PLPP5: variants seen among roughly 807,000 people sequenced by gnomAD.
PLPP5 encodes the protein diacylglycerol pyrophosphate like 1.
In PLPP5, 29 loss-of-function variants were observed where a neutral mutation model predicts 23.6. That is an observed-to-expected ratio of 1.23 (90% CI 0.92 to 1.68). PLPP5 has a LOEUF of 1.68. Among genes scored for constraint, PLPP5 ranks in the 40% most tolerant of loss-of-function variants. The pLI is 0.00. For synonymous variants in PLPP5, 143 were observed against 131.3 expected (o/e 1.09, Z -0.61); for missense variants, 315 against 332.1 (o/e 0.95, Z 0.40).
chr8:38,265,995 A>T (rs1479103334), intron 6 of PLPP5, 146 bp downstream of exon 6: 2 of 533,486 alleles, frequency 3.7e-6, no homozygotes, highest in Non-Finnish European at 6.1e-6. Flanking sequence ...CTATAATTTT[A>T]AATGTACTTA....
At chr8:38,268,241 C>T (rs1278159191) in intron 3 of PLPP5, 130 bp downstream of exon 3, 16 of 1,077,758 alleles carry the variant, frequency 1.5e-5, no homozygotes, top group Non-Finnish European at 2.1e-5. Flanking sequence ...TTTTCCTCTC[C>T]CGCGGGGATA....
At position 38,263,423 on chromosome 8, in the gene PLPP5, A is replaced by G. The variant is rs1195962635; in HGVS notation, c.*1021T>C. On this transcript the variant is annotated 3_prime_UTR_variant, in exon 7 of 7. Coordinates refer to ENST00000424479, the MANE Select transcript of PLPP5 (RefSeq NM_001102559.2). ...TGAGCAGATCTTCAGTCATGAATGG[A>G]AGGAAAGAAGCTCACAAGTACAGTT... is the stretch of plus-strand genomic sequence containing the variant. 1.0e-6 allele frequency: 1 copy of G among 985,296 alleles called. No homozygotes were observed. Among genetic ancestry groups the G allele is most frequent in the Non-Finnish European group, 1.2e-6 (1 of 829,922 alleles). 61.0% of individuals were successfully genotyped at this position (985,296 alleles called of 1,614,324 possible). A position where few individuals can be genotyped will look rare whatever the true frequency, so the allele number is the denominator to read the frequency against.
Position 38,266,125 on chromosome 8 carries a change from T to C in PLPP5, c.634+16A>G. ...GTGAAATATGCAAGCTTCCATAGCC[T>C]GAGTACTTTGCTTACCTTGCCAGTG... is the stretch of plus-strand genomic sequence containing the variant. On this transcript the variant is annotated intron_variant, in intron 6 of 6. Transcript: ENST00000424479. 2.5e-6 allele frequency: 4 copies of C among 1,612,822 alleles called. No homozygotes were observed. The highest frequency in any genetic ancestry group is 2.2e-5 in the South Asian group (2 of 90,976).
At chr8:38,267,874 G>T in intron 4 of PLPP5, 23 bp downstream of exon 4, 1 of 1,611,716 alleles carries the variant, frequency 6.2e-7, no homozygotes, top group Non-Finnish European at 8.5e-7. Flanking sequence ...CAGATGCTGG[G>T]GTGGTTAGCT....
At chr8:38,265,610 T>C (rs904892500) in intron 6 of PLPP5, 1 of 152,162 alleles carries the variant, frequency 6.6e-6, no homozygotes, top group African/African-American at 2.4e-5. Flanking sequence ...GTATTTTTAG[T>C]AGAGACGGGG....
In PLPP5 at chr8:38,268,481, G is replaced by A; in HGVS notation, c.184-20C>T. ...AATAACCTGAATCAGAATGTCAGAG[G>A]TTAAAAACAATCCAAAAAAAAGCCA... On this transcript the variant is annotated intron_variant, in intron 2 of 6. Transcript: ENST00000424479. The A allele has an allele frequency of 6.4e-7, 1 of 1,554,850 alleles. No individual in the cohort carries two copies.
chr8:38,267,298 G>A lies in PLPP5; in HGVS notation c.432C>T (p.Gly144=), dbSNP rs761833568. The change falls in exon 5 of 7, where the codon GGC becomes GGT. Residue 144 remains glycine, a synonymous_variant. Transcript: ENST00000424479. ...AATGTCCACTGGGGAAGCTCTTTCG[G>A]CCCTCATTCACCACGTCCTTATCCC... ...CTGDKDVVNE[G]RKSFPSGHSS... is the part of the protein sequence containing the mutation. 1 of 1,613,974 alleles carries A rather than the reference G, an allele frequency of 6.2e-7. No homozygotes were observed.
chr8:38,268,660 A>G lies in PLPP5; in HGVS notation c.184-199T>C, dbSNP rs1165214950. On this transcript the variant is annotated intron_variant, in intron 2 of 6. Transcript: ENST00000424479. ...GGGCCCCGGTACCTCAGGCTGAGGCACAGAGCGCCCGGGAAAACGTTGTCT... is the reference window on the plus strand; with the variant it reads ...GGGCCCCGGTACCTCAGGCTGAGGCGCAGAGCGCCCGGGAAAACGTTGTCT... 7.0e-6 allele frequency: 10 copies of G among 1,433,244 alleles called. No homozygotes were observed. The East Asian group carries it at 2.3e-4, about 32-fold the overall frequency. 88.8% of individuals were successfully genotyped at this position (1,433,244 alleles called of 1,614,324 possible). A position where few individuals can be genotyped will look rare whatever the true frequency, so the allele number is the denominator to read the frequency against.
In PLPP5 at chr8:38,269,155, GC is replaced by G. The variant is rs1480742903; in HGVS notation, c.44del (p.Gly15AlafsTer12). The G allele has an allele frequency of 5.9e-6, 9 of 1,513,154 alleles. No homozygotes were observed. Among genetic ancestry groups the G allele is most frequent in the Non-Finnish European group, 7.9e-6 (9 of 1,138,264 alleles). The allele number at this position is 1,513,154 out of a possible 1,614,324, so 93.7% of individuals were successfully genotyped here. ...AAAVAFGAEV[G>X]VRLALFAAFL... ...AGGCCGCGAACAGCGCGAGCCGCAC[GC>G]CCACTTCGGCCCCAAAGGCCACCGC... On this transcript the variant is annotated frameshift_variant, in exon 1 of 7. Transcript: ENST00000424479. LOFTEE classifies it high-confidence loss of function.
rs1464084298 is a variant in PLPP5 at position 38,267,319 on chromosome 8, ATC to A, written c.409_410del (p.Asp137Ter). The A allele has an allele frequency of 1.2e-6, 2 of 1,613,912 alleles. No individual in the cohort carries two copies. Among genetic ancestry groups the A allele is most frequent in the Non-Finnish European group, 1.7e-6 (2 of 1,179,908 alleles). On this transcript the variant is annotated frameshift_variant, in exon 5 of 7. Transcript: ENST00000424479. LOFTEE classifies it high-confidence loss of function. ...LAHSDLMCTG[D>X]KDVVNEGRKS... The stretch of plus-strand genomic sequence containing the variant: ...TTCGGCCCTCATTCACCACGTCCTT[ATC>A]CCCTGTACACATCAAGTCAGAATGG...
At position 38,263,663 on chromosome 8, in the gene PLPP5, T is replaced by G; in HGVS notation, c.*781A>C. 2.0e-6 allele frequency: 2 copies of G among 985,438 alleles called. No individual in the cohort carries two copies. The highest frequency in any genetic ancestry group is 2.4e-6 in the Non-Finnish European group (2 of 829,912). The allele number at this position is 985,438 out of a possible 1,614,324, so 61.0% of individuals were successfully genotyped here. On this transcript the variant is annotated 3_prime_UTR_variant, in exon 7 of 7. Coordinates refer to ENST00000424479, the MANE Select transcript of PLPP5 (RefSeq NM_001102559.2). ...GATTCGACATTTTCCTATTTAAGGC[T>G]TGATGGAATTGTCATCAGAGAAGGT...
Position 38,263,318 on chromosome 8 carries a change from A to G in PLPP5, c.*1126T>C. The G allele has an allele frequency of 1.1e-6, 1 of 920,538 alleles. No homozygotes were observed. Among genetic ancestry groups the G allele is most frequent in the Non-Finnish European group, 1.3e-6 (1 of 770,810 alleles). The allele number at this position is 920,538 out of a possible 1,614,324, so 57.0% of individuals were successfully genotyped here. A position where few individuals can be genotyped will look rare whatever the true frequency, so the allele number is the denominator to read the frequency against. ...TATTCCATTGTGAAGAAGGGGCAGAAAAAGATTCATCTGTCCTTCAGATGA... is the reference window on the plus strand; with the variant it reads ...TATTCCATTGTGAAGAAGGGGCAGAGAAAGATTCATCTGTCCTTCAGATGA... On this transcript the variant is annotated 3_prime_UTR_variant, in exon 7 of 7. Transcript: ENST00000424479.
Position 38,267,365 on chromosome 8 carries a change from C to A in PLPP5, c.365G>T (p.Cys122Phe). The change falls in exon 5 of 7, where the codon TGC becomes TTC. Residue 122 changes from cysteine to phenylalanine, a missense_variant. Physicochemically the swap from Cys to Phe is radical, Grantham distance 205. Coordinates refer to ENST00000424479, the MANE Select transcript of PLPP5 (RefSeq NM_001102559.2). ...GRPRPDFFYR[C>F]FPDGLAHSDL... ...AGAATGGGCTAGCCCATCAGGGAAG[C>A]AGCGGTAGAAGAAATCTGGGCGTGG... is the stretch of plus-strand genomic sequence containing the variant. 1 of 1,613,794 alleles carries A rather than the reference C, an allele frequency of 6.2e-7. No homozygotes were observed. Among genetic ancestry groups the A allele is most frequent in the Non-Finnish European group, 8.5e-7 (1 of 1,179,802 alleles).
chr8:38,269,138 A>C lies in PLPP5; in HGVS notation c.62T>G (p.Phe21Cys). ...GGATCTTTCTTACAGGAAGGCCGCGAACAGCGCGAGCCGCACGCCCACTTC... is the reference window on the plus strand; with the variant it reads ...GGATCTTTCTTACAGGAAGGCCGCGCACAGCGCGAGCCGCACGCCCACTTC... Reference protein sequence around the residue: ...GAEVGVRLALFAAFLVTELLP... With the variant: ...GAEVGVRLALCAAFLVTELLP... Residue 21 changes from phenylalanine to cysteine, a missense_variant, in exon 1 of 7, where the codon TTC becomes TGC. Transcript: ENST00000424479. 1 of 1,519,854 alleles carries C rather than the reference A, an allele frequency of 6.6e-7. No individual in the cohort carries two copies. Among genetic ancestry groups the C allele is most frequent in the South Asian group, 1.2e-5 (1 of 83,054 alleles). 94.1% of individuals were successfully genotyped at this position (1,519,854 alleles called of 1,614,324 possible).
intron 3 of PLPP5, 99 bp from the exon 4 acceptor site, chr8:38,268,059 G>GAT: frequency 3.2e-6 from 5 of 1,584,934 alleles, no homozygotes; most frequent in Non-Finnish European, 4.3e-6. Context: ...GAGATGGATA[G>GAT]AATCCAACCA....
intron 1 of PLPP5, 50 bp from the exon 2 acceptor site, chr8:38,269,040 C>T: frequency 6.5e-7 from 1 of 1,532,120 alleles, no homozygotes; most frequent in South Asian, 1.2e-5. Context: ...TTCCTCCCCG[C>T]TTCCCCACTG....
intron 5 of PLPP5, 22 bp downstream of exon 5, chr8:38,267,245 A>G (rs1268680153): frequency 4.3e-6 from 7 of 1,613,562 alleles, no homozygotes; most frequent in Non-Finnish European, 5.9e-6. Flanking sequence ...AGCATAGGGT[A>G]GAGTCCATAT....
chr8:38,268,745 T>A, intron 2 of PLPP5, 137 bp downstream of exon 2: 4 of 1,433,558 alleles, frequency 2.8e-6, no homozygotes, highest in Non-Finnish European at 3.7e-6. Flanking sequence ...ACTCGAGCCC[T>A]AGGAGGCGGA....
chr8:38,263,457 A>T lies in PLPP5; in HGVS notation c.*987T>A. On this transcript the variant is annotated 3_prime_UTR_variant, in exon 7 of 7. Coordinates refer to ENST00000424479, the MANE Select transcript of PLPP5 (RefSeq NM_001102559.2). ...AGCTCACAAGTACAGTTATGGTCAA[A>T]TGAGGTAGAAACAGTCATCTGTTAG... 1 of 985,358 alleles carries T rather than the reference A, an allele frequency of 1.0e-6. No individual in the cohort carries two copies. 61.0% of individuals were successfully genotyped at this position (985,358 alleles called of 1,614,324 possible).
Sources: allele counts gnomAD v4.1 joint callset, GRCh38; gene constraint gnomAD v4.1.1; transcripts MANE v1.5; gene names NCBI Gene and HGNC (gene_info 2026-07-23, HGNC 2026-07-21).